The following PIBF1 variants were observed in gnomAD, a reference collection of about 807,000 sequenced individuals.
PIBF1 encodes progesterone immunomodulatory binding factor 1, also known as progesterone-induced-blocking factor 1.
In PIBF1, 90 loss-of-function variants were observed where a neutral mutation model predicts 112.5. The ratio of observed to expected loss-of-function variants is 0.80; its 90% confidence interval spans 0.67 to 0.95. The LOEUF (loss-of-function observed/expected upper bound fraction) is 0.95. PIBF1 is among the 40% of genes least tolerant of loss of function. The probability of loss-of-function intolerance (pLI) is 0.00; values close to 1 mark genes in which losing one functional copy is unlikely to be tolerated. For missense variants in PIBF1, 915 were observed against 852.3 expected (o/e 1.07, Z -0.92); for synonymous variants, 301 against 288.6 (o/e 1.04, Z -0.44).
intron 11 of PIBF1, among the ~76,000 whole-genome samples, chr13:72,897,754 AG>A (rs1345768835): frequency 6.6e-6 from 1 of 152,252 alleles, no homozygotes; most frequent in African/African-American, 2.4e-5. Flanking sequence ...CTTGTCCAAC[AG>A]GAAAATATCA....
At chr13:72,991,643 C>T (rs1209195670) in intron 16 of PIBF1, among the ~76,000 whole-genome samples, 1 of 151,832 alleles carries the variant, frequency 6.6e-6, no homozygotes, top group Admixed American at 6.6e-5. Flanking sequence ...AATCCCAGCA[C>T]TTTGGGAGCC....
chr13:72,957,552 T>C lies in PIBF1; in HGVS notation c.1834-7722T>C, dbSNP rs865948437. On this transcript the variant is annotated intron_variant, in intron 14 of 17. Transcript: ENST00000326291. ...AGGGTGGAGGATACAAGGGTACACA[T>C]TGGGTACAGTGTACACTGCTCAGGT... is the stretch of plus-strand genomic sequence containing the variant. Among the ~76,000 whole-genome samples the C allele has an allele frequency of 1.6e-4, 25 of 152,206 alleles. No individual in the cohort carries two copies. The South Asian group carries it at 2.5e-3, about 15-fold the overall frequency.
chr13:72,931,090 G>T (rs1018752225), intron 13 of PIBF1, 75 bp from the exon 14 acceptor site: 62 of 809,744 alleles, frequency 7.7e-5, no homozygotes, highest in Middle Eastern at 7.6e-4. Flanking sequence ...CTATTTTCAA[G>T]TACACAAACA....
intron 15 of PIBF1, 38 bp downstream of exon 15, chr13:72,965,442 A>T (rs2042715876): frequency 6.5e-7 from 1 of 1,538,756 alleles, no homozygotes; most frequent in African/African-American, 1.4e-5. Context: ...AATAATAAAG[A>T]CATTGTTACC....
rs772512625 is a variant in PIBF1, at chr13:72,908,565, C to G, written c.1523C>G (p.Ser508Cys). 1 of 1,612,554 alleles carries G rather than the reference C, an allele frequency of 6.2e-7. No homozygotes were observed. The highest frequency in any genetic ancestry group is 8.5e-7 in the Non-Finnish European group (1 of 1,179,148). Residue 508 changes from serine (S) to cysteine (C), a missense_variant, in exon 12 of 18, where the codon TCT (serine) becomes TGT (cysteine). Coordinates refer to ENST00000326291, the MANE Select transcript of PIBF1 (RefSeq NM_006346.4). ...AAAGAATTTTATAGTCTCCAAGCCT[C>G]TTCTGAAAAACGCATTACTGAACTT... ...LTKEFYSLQASSEKRITELQA... is the reference protein window; with the variant it reads ...LTKEFYSLQACSEKRITELQA...
At chr13:72,940,957 T>C (rs1433074283) in intron 14 of PIBF1, among the ~76,000 whole-genome samples, 2 of 152,206 alleles carry the variant, frequency 1.3e-5, no homozygotes, top group South Asian at 4.1e-4. Context: ...GTCAGAGTTC[T>C]GTCTCTTTGC....
At chr13:72,903,677 C>A (rs1174179226) in intron 11 of PIBF1, among the ~76,000 whole-genome samples, 1 of 152,124 alleles carries the variant, frequency 6.6e-6, no homozygotes, top group African/African-American at 2.4e-5. Flanking sequence ...AGACAATTAA[C>A]CAGAGCATAC....
At chr13:72,881,407 T>G (rs1021266724) in intron 10 of PIBF1, among the ~76,000 whole-genome samples, 1 of 152,054 alleles carries the variant, frequency 6.6e-6, no homozygotes. Flanking sequence ...ACAAATAAAA[T>G]TAAATACCTA....
intron 11 of PIBF1, among the ~76,000 whole-genome samples, chr13:72,896,339 C>T (rs2040281503): frequency 6.6e-6 from 1 of 152,122 alleles, no homozygotes; most frequent in Admixed American, 6.6e-5. Flanking sequence ...CTGAGAGAGC[C>T]TACCCAAATG....
At chr13:72,916,957 G>C in intron 12 of PIBF1, 119 bp from the exon 13 acceptor site, 1 of 514,520 alleles carries the variant, frequency 1.9e-6, no homozygotes, top group Non-Finnish European at 3.4e-6. Flanking sequence ...TTACATATTA[G>C]CCCTTTCTAA....
chr13:72,792,580 A>C, intron 3 of PIBF1, 33 bp downstream of exon 3: 1 of 1,108,556 alleles, frequency 9.0e-7, no homozygotes, highest in Non-Finnish European at 1.3e-6. Context: ...AAAAAACAAC[A>C]TCTATTTAGC....
chr13:72,827,706 A>AT, intron 7 of PIBF1, 27 bp from the exon 8 acceptor site: 1 of 1,338,162 alleles, frequency 7.5e-7, no homozygotes, highest in Admixed American at 2.3e-5. Context: ...ATCACTGTGG[A>AT]TACTTTTTGT....
chr13:72,798,045 GC>G lies in PIBF1; in HGVS notation c.672+20del. ...GACAGAGGTTTGTATGGTTTTGATT[GC>G]TGGTGGGAAGAAGCTTCGGCTTTTT... On this transcript the variant is annotated intron_variant, in intron 5 of 17. Coordinates refer to ENST00000326291, the MANE Select transcript of PIBF1 (RefSeq NM_006346.4). The G allele has an allele frequency of 6.4e-7, 1 of 1,574,750 alleles. No individual in the cohort carries two copies. The highest frequency in any genetic ancestry group is 1.4e-5 in the African/African-American group (1 of 72,634).
chr13:72,853,081 T>A (rs17089804), intron 9 of PIBF1, among the ~76,000 whole-genome samples: 23,503 of 151,916 alleles, frequency 0.15, 2,453 homozygotes, highest in Admixed American at 0.3. Context: ...TAGGTGACTA[T>A]CTGAAAGAAA....
chr13:72,850,212 TAGAA>T (rs2038068742), intron 9 of PIBF1, among the ~76,000 whole-genome samples: 1 of 152,260 alleles, frequency 6.6e-6, no homozygotes, highest in African/African-American at 2.4e-5. Context: ...GACCTCTTGG[TAGAA>T]GCCTTAGCTT....
At chr13:72,937,512 T>A (rs2041902375) in intron 14 of PIBF1, among the ~76,000 whole-genome samples, 1 of 152,204 alleles carries the variant, frequency 6.6e-6, no homozygotes, top group Non-Finnish European at 1.5e-5. Flanking sequence ...ACATTACTGC[T>A]ATTATTACTT....
At chr13:72,838,100 A>G (rs1205375137) in intron 9 of PIBF1, among the ~76,000 whole-genome samples, 1 of 152,230 alleles carries the variant, frequency 6.6e-6, no homozygotes, top group Non-Finnish European at 1.5e-5. Flanking sequence ...TATGTTGGAA[A>G]GTTTTACATT....
chr13:72,822,046 G>C, intron 6 of PIBF1, 64 bp downstream of exon 6: 1 of 1,401,742 alleles, frequency 7.1e-7, no homozygotes, highest in East Asian at 2.5e-5. Flanking sequence ...AGTCACCTGA[G>C]TTTTTACCAA....
rs747770095 is a variant in PIBF1, at chr13:72,798,862, G to A, written c.672+836G>A. 3.3e-5 allele frequency among the ~76,000 whole-genome samples: 5 copies of A among 152,298 alleles called. No homozygotes were observed. In the East Asian group the frequency reaches 5.8e-4, roughly 18 times the overall value. On this transcript the variant is annotated intron_variant, in intron 5 of 17. Coordinates refer to ENST00000326291, the MANE Select transcript of PIBF1 (RefSeq NM_006346.4). ...TCTTCATTACAAGTTAGCCTTGTTC[G>A]TGATATGAGATGGAGCTACTGTCCA...
Sources: allele counts gnomAD v4.1 joint callset (sites outside exome capture counted in the v4.1 genomes callset), GRCh38; gene constraint gnomAD v4.1.1; transcripts MANE v1.5; gene names NCBI Gene and HGNC (gene_info 2026-07-23, HGNC 2026-07-21).